Variants in MARK2 observed in about 807,000 individuals in gnomAD.
The protein encoded by MARK2 is serine/threonine-protein kinase MARK2.
A neutral mutation model predicts 89.8 loss-of-function variants in MARK2; 16 were observed. That is an observed-to-expected ratio of 0.18 (90% CI 0.12 to 0.27). The LOEUF (loss-of-function observed/expected upper bound fraction) is 0.27, where lower values mean the gene tolerates loss of function less well. Ranked by LOEUF, MARK2 falls within the 10% of genes least tolerant of loss-of-function variation. The pLI is 1.00. For missense variants in MARK2, 621 were observed against 1,049.9 expected (o/e 0.59, Z 5.65); for synonymous variants, 382 against 399.5 (o/e 0.96, Z 0.52).
chr11:63,875,151 C>T (rs1426480911), intron 1 of MARK2, among the ~76,000 whole-genome samples: 6 of 133,270 alleles, frequency 4.5e-5, no homozygotes, highest in African/African-American at 1.8e-4. Flanking sequence ...GGTAGAGTCT[C>T]ACTCTGTCAC....
chr11:63,850,807 T>C (rs540185522), intron 1 of MARK2, among the ~76,000 whole-genome samples: 2 of 152,230 alleles, frequency 1.3e-5, no homozygotes, highest in African/African-American at 4.8e-5. Context: ...GTTCCTTTCT[T>C]TTTTCTTTTC....
intron 1 of MARK2, among the ~76,000 whole-genome samples, chr11:63,873,775 A>G (rs1277955505): frequency 6.6e-6 from 1 of 152,176 alleles, no homozygotes; most frequent in Non-Finnish European, 1.5e-5. Context: ...CCTCCCGAGT[A>G]GCTGAGACTG....
chr11:63,890,925 C>T (rs1023209308), intron 1 of MARK2, among the ~76,000 whole-genome samples: 4 of 152,182 alleles, frequency 2.6e-5, no homozygotes, highest in Non-Finnish European at 2.9e-5. Context: ...CAGAGTTCCT[C>T]GGGATCCTCC....
At position 63,909,334 on chromosome 11, in the gene MARK2, G is replaced by C. The variant is rs1302873084; in HGVS notation, c.*97G>C. ...TGGGCGAGACTGCAGCGATGGATTG[G>C]TGTGTCTCCCCTGCTGGCACTTCTC... On this transcript the variant is annotated 3_prime_UTR_variant, in exon 19 of 19. Transcript: ENST00000402010. 1 of 1,301,456 alleles carries C rather than the reference G, an allele frequency of 7.7e-7. No homozygotes were observed. Among genetic ancestry groups the C allele is most frequent in the African/African-American group, 1.5e-5 (1 of 66,534 alleles). 80.6% of individuals were successfully genotyped at this position (1,301,456 alleles called of 1,614,324 possible).
chr11:63,876,118 G>C (rs757493668), intron 1 of MARK2, among the ~76,000 whole-genome samples: 3 of 152,182 alleles, frequency 2.0e-5, no homozygotes, highest in African/African-American at 4.8e-5. Context: ...TAAAATGGTT[G>C]AGCTGCTGGA....
At chr11:63,846,715 G>C (rs1214123878) in intron 1 of MARK2, among the ~76,000 whole-genome samples, 3 of 151,170 alleles carry the variant, frequency 2.0e-5, no homozygotes, top group African/African-American at 7.3e-5. Flanking sequence ...GAGTGCAGTG[G>C]CACGATCTCG....
At chr11:63,895,744 A>G (rs1940340365) in intron 3 of MARK2, 111 bp downstream of exon 3, 2 of 935,082 alleles carry the variant, frequency 2.1e-6, no homozygotes, top group African/African-American at 1.9e-5. Context: ...ATCTCGGCTC[A>G]CTGCAACCTC....
At chr11:63,896,103 T>G (rs1940376273) in intron 3 of MARK2, among the ~76,000 whole-genome samples, 1 of 152,236 alleles carries the variant, frequency 6.6e-6, no homozygotes, top group Non-Finnish European at 1.5e-5. Context: ...CCCATGGCTC[T>G]GCTACCTTCG....
intron 1 of MARK2, among the ~76,000 whole-genome samples, chr11:63,876,395 C>T (rs1454292365): frequency 6.6e-6 from 1 of 152,222 alleles, no homozygotes; most frequent in Non-Finnish European, 1.5e-5. Flanking sequence ...AAATAACCAG[C>T]ATGTCGCCAG....
rs1326206809 is a variant in MARK2 at position 63,875,408 on chromosome 11, C to T, written c.55-19751C>T. On this transcript the variant is annotated intron_variant, in intron 1 of 18. Coordinates refer to ENST00000402010, the MANE Select transcript of MARK2 (RefSeq NM_001039469.3). ...TTGTTGGGATTACAGGCGTGAGCCA[C>T]CACGCCCAGCTAATTTTTCTTTGTT... Among the ~76,000 whole-genome samples the T allele has an allele frequency of 2.6e-5, 4 of 152,146 alleles. No homozygotes were observed. The East Asian group carries it at 7.7e-4, about 29-fold the overall frequency.
At chr11:63,859,226 T>G (rs908934946) in intron 1 of MARK2, among the ~76,000 whole-genome samples, 2 of 152,184 alleles carry the variant, frequency 1.3e-5, no homozygotes, top group Non-Finnish European at 2.9e-5. Context: ...AGACACTCAA[T>G]AGTCTATTCC....
intron 18 of MARK2, 30 bp downstream of exon 18, chr11:63,908,334 G>A: frequency 6.5e-7 from 1 of 1,547,276 alleles, no homozygotes; most frequent in South Asian, 1.2e-5. Context: ...CACTGGCCCT[G>A]CCCGGGCCAC....
At chr11:63,875,820 A>C (rs964216669) in intron 1 of MARK2, among the ~76,000 whole-genome samples, 8 of 152,194 alleles carry the variant, frequency 5.3e-5, no homozygotes, top group African/African-American at 1.9e-4. Flanking sequence ...CACACTCAGG[A>C]GCTGGAAGTG....
intron 1 of MARK2, among the ~76,000 whole-genome samples, chr11:63,865,368 A>G (rs1288279358): frequency 1.3e-5 from 2 of 152,188 alleles, no homozygotes; most frequent in African/African-American, 2.4e-5. Flanking sequence ...CCTCCCAAGT[A>G]GCTGGGACCA....
At chr11:63,906,472 ACCCAC>A (rs1941343921) in intron 17 of MARK2, among the ~76,000 whole-genome samples, 1 of 144,614 alleles carries the variant, frequency 6.9e-6, no homozygotes, top group African/African-American at 2.5e-5. Context: ...GTCTCCTCTC[ACCCAC>A]CCCACCCCAC....
chr11:63,861,611 C>A (rs1937785710), intron 1 of MARK2, among the ~76,000 whole-genome samples: 1 of 152,132 alleles, frequency 6.6e-6, no homozygotes, highest in Non-Finnish European at 1.5e-5. Flanking sequence ...GCAGGGTCTC[C>A]TCATTTTTGC....
At chr11:63,890,783 G>A (rs900029934) in intron 1 of MARK2, among the ~76,000 whole-genome samples, 3 of 152,224 alleles carry the variant, frequency 2.0e-5, no homozygotes, top group Non-Finnish European at 4.4e-5. Context: ...ATTGAACATC[G>A]GATAAGGCAT....
chr11:63,862,679 C>T (rs550872728), intron 1 of MARK2, among the ~76,000 whole-genome samples: 4 of 152,132 alleles, frequency 2.6e-5, no homozygotes, highest in Admixed American at 6.5e-5. Flanking sequence ...TTATCTTTTC[C>T]CATCTTCCGG....
intron 1 of MARK2, among the ~76,000 whole-genome samples, chr11:63,887,240 G>T (rs1210924733): frequency 6.6e-6 from 1 of 152,224 alleles, no homozygotes; most frequent in African/African-American, 2.4e-5. Flanking sequence ...TGAGAAACTG[G>T]TAAGGGGGAC....
Sources: gnomAD v4.1 joint callset for allele counts (sites outside exome capture counted in the v4.1 genomes callset) on GRCh38, gnomAD v4.1.1 for gene constraint, MANE v1.5 for transcripts, NCBI Gene and HGNC (gene_info 2026-07-23, HGNC 2026-07-21) for gene names.